Variants in CSGALNACT1 observed in about 807,000 individuals in gnomAD.
CSGALNACT1 encodes beta4GalNAcT-1.
CSGALNACT1 carries 52 observed loss-of-function variants against 51.0 expected under a neutral mutation model. The ratio of observed to expected loss-of-function variants is 1.02; its 90% confidence interval spans 0.82 to 1.29. The LOEUF is 1.29. Ranked by LOEUF, CSGALNACT1 falls within the 50% of genes most tolerant of loss-of-function variation. The pLI is 0.00. For missense variants in CSGALNACT1, 935 were observed against 679.2 expected, an observed-to-expected ratio of 1.38 and a Z score of -4.19; for synonymous variants, 341 against 254.4, an observed-to-expected ratio of 1.34 and a Z score of -3.24.
intron 3 of CSGALNACT1, among the ~76,000 whole-genome samples, chr8:19,507,332 A>G (rs898027216): frequency 3.3e-5 from 5 of 152,096 alleles, no homozygotes; most frequent in African/African-American, 1.2e-4. Flanking sequence ...GACGGGTCCC[A>G]GGACTTTTCA....
At chr8:19,648,555 C>T (rs1342230402) in intron 1 of CSGALNACT1, among the ~76,000 whole-genome samples, 1 of 152,224 alleles carries the variant, frequency 6.6e-6, no homozygotes, top group Non-Finnish European at 1.5e-5. Flanking sequence ...TACCTGTCAT[C>T]CCAGCATTCT....
At chr8:19,503,174 T>C (rs990570649) in intron 4 of CSGALNACT1, among the ~76,000 whole-genome samples, 2 of 152,246 alleles carry the variant, frequency 1.3e-5, no homozygotes, top group Non-Finnish European at 2.9e-5. Context: ...TTTAAAGTAT[T>C]TGCCTTTATT....
intron 1 of CSGALNACT1, among the ~76,000 whole-genome samples, chr8:19,654,734 AG>A (rs963007789): frequency 1.6e-4 from 24 of 152,108 alleles, no homozygotes; most frequent in African/African-American, 5.1e-4. Context: ...TGGTAGAGAC[AG>A]GGTTTTGCTA....
At position 19,673,926 on chromosome 8, in the gene CSGALNACT1, G is replaced by A. The variant is rs533392631; in HGVS notation, c.-544+8547C>T. Among the ~76,000 whole-genome samples the A allele has an allele frequency of 6.1e-4, 93 of 152,298 alleles. 1 individual carries two copies. Among genetic ancestry groups the A allele is most frequent in the Non-Finnish European group, 1.0e-3 (69 of 68,026 alleles). ...TTCTAGGCACCCAAAATATATTACT[G>A]AAAAGATAAATGCAGAGAACTTGTC... On this transcript the variant is annotated intron_variant, in intron 1 of 9. Coordinates refer to the CSGALNACT1 transcript ENST00000332246.
intron 3 of CSGALNACT1, among the ~76,000 whole-genome samples, chr8:19,568,287 A>C (rs1323404989): frequency 6.6e-6 from 1 of 152,204 alleles, no homozygotes; most frequent in Admixed American, 6.5e-5. Context: ...AAAGCATGTT[A>C]CTGTATTGAA....
At position 19,421,660 on chromosome 8, in the gene CSGALNACT1, G is replaced by A. The variant is rs372087855; in HGVS notation, c.954-1142C>T. ...TGTAAAGTTTGCATTCCAAGTACCC[G>A]TCTCGGGTAAAGGCCAACGCAAACA... On this transcript the variant is annotated intron_variant, in intron 6 of 9. Coordinates refer to ENST00000454498, the Ensembl canonical transcript of CSGALNACT1. 1.9e-4 allele frequency among the ~76,000 whole-genome samples: 29 copies of A among 152,250 alleles called. No homozygotes were observed. The East Asian group carries it at 4.2e-3, about 22-fold the overall frequency.
At chr8:19,575,071 G>A (rs2043880375) in intron 3 of CSGALNACT1, among the ~76,000 whole-genome samples, 1 of 151,966 alleles carries the variant, frequency 6.6e-6, no homozygotes, top group Admixed American at 6.6e-5. Context: ...TCCATAATAT[G>A]ACCGTTTTAG....
intron 5 of CSGALNACT1, among the ~76,000 whole-genome samples, chr8:19,452,030 G>A (rs1308226654): frequency 6.6e-6 from 1 of 152,208 alleles, no homozygotes; most frequent in Non-Finnish European, 1.5e-5. Flanking sequence ...TGCAAACTGT[G>A]TGCCAAAAAT....
intron 1 of CSGALNACT1, among the ~76,000 whole-genome samples, chr8:19,676,593 G>A (rs569724317): frequency 2.0e-5 from 3 of 152,306 alleles, no homozygotes; most frequent in African/African-American, 4.8e-5. Context: ...ACCAAAAGAT[G>A]TAATACATGC....
At chr8:19,446,249 C>A (rs1044341906) in intron 5 of CSGALNACT1, among the ~76,000 whole-genome samples, 1 of 152,146 alleles carries the variant, frequency 6.6e-6, no homozygotes, top group South Asian at 2.1e-4. Flanking sequence ...ATTCAAACTC[C>A]GGGCTTTGCA....
At chr8:19,675,787 G>A (rs552900347) in intron 1 of CSGALNACT1, among the ~76,000 whole-genome samples, 21 of 152,030 alleles carry the variant, frequency 1.4e-4, no homozygotes, top group African/African-American at 3.6e-4. Context: ...TGTGCCCTGC[G>A]CCCTAATTCT....
chr8:19,419,503 C>T (rs1019161871), intron 7 of CSGALNACT1, among the ~76,000 whole-genome samples: 5 of 152,216 alleles, frequency 3.3e-5, no homozygotes, highest in African/African-American at 1.2e-4. Flanking sequence ...ATTTTAGCAA[C>T]TGGCATGGCT....
intron 1 of CSGALNACT1, among the ~76,000 whole-genome samples, chr8:19,693,176 A>C (rs755043257): frequency 7.9e-5 from 12 of 152,142 alleles, no homozygotes; most frequent in Non-Finnish European, 1.5e-4. Flanking sequence ...GTTTAAGTGG[A>C]AGACTGGAGG....
At chr8:19,554,834 C>A (rs1434366853) in intron 3 of CSGALNACT1, among the ~76,000 whole-genome samples, 6 of 152,108 alleles carry the variant, frequency 3.9e-5, no homozygotes, top group Non-Finnish European at 5.9e-5. Flanking sequence ...AGGATAATCA[C>A]TTGAACCTGG....
At chr8:19,456,592 C>G (rs1214523617) in intron 5 of CSGALNACT1, among the ~76,000 whole-genome samples, 1 of 152,138 alleles carries the variant, frequency 6.6e-6, no homozygotes, top group African/African-American at 2.4e-5. Context: ...GGAAAACCTA[C>G]AGAGAAAGAG....
chr8:19,664,970 G>A (rs1161939927), intron 1 of CSGALNACT1, among the ~76,000 whole-genome samples: 1 of 152,162 alleles, frequency 6.6e-6, no homozygotes, highest in African/African-American at 2.4e-5. Flanking sequence ...TAAAAGTACA[G>A]ACTTACCACT....
chr8:19,472,880 G>C (rs904188649), intron 4 of CSGALNACT1, among the ~76,000 whole-genome samples: 3 of 152,030 alleles, frequency 2.0e-5, no homozygotes, highest in Admixed American at 2.0e-4. Context: ...TCTTCATAGG[G>C]TTACTTTGAA....
At chr8:19,468,419 G>C (rs1254586319) in intron 4 of CSGALNACT1, among the ~76,000 whole-genome samples, 1 of 152,160 alleles carries the variant, frequency 6.6e-6, no homozygotes, top group Non-Finnish European at 1.5e-5. Context: ...GATCCCCTAA[G>C]TCACCTTCAC....
intron 3 of CSGALNACT1, among the ~76,000 whole-genome samples, chr8:19,523,505 A>G (rs2081114301): frequency 6.6e-6 from 1 of 151,958 alleles, no homozygotes. Flanking sequence ...CCTGGGCTCC[A>G]GCGATCCACC....
Sources: gnomAD v4.1 joint callset for allele counts (sites outside exome capture counted in the v4.1 genomes callset) on GRCh38, gnomAD v4.1.1 for gene constraint, MANE v1.5 for transcripts, NCBI Gene and HGNC (gene_info 2026-07-23, HGNC 2026-07-21) for gene names.